Variants in QSOX1 observed in about 807,000 individuals in gnomAD.
QSOX1 encodes sulfhydryl oxidase 1.
In QSOX1, 40 loss-of-function variants were observed where a neutral mutation model predicts 76.1. The observed-to-expected ratio is 0.53, with a 90% CI of 0.41 to 0.68. The LOEUF (loss-of-function observed/expected upper bound fraction) is 0.68. Ranked by LOEUF, QSOX1 falls within the 30% of genes least tolerant of loss-of-function variation. The pLI is 0.00. For missense variants in QSOX1, 931 were observed against 974.3 expected, an observed-to-expected ratio of 0.96 and a Z score of 0.59; for synonymous variants, 392 against 413.1, an observed-to-expected ratio of 0.95 and a Z score of 0.62.
chr1:180,164,418 C>A (rs1315505599), intron 1 of QSOX1, among the ~76,000 whole-genome samples: 2 of 152,166 alleles, frequency 1.3e-5, no homozygotes, highest in African/African-American at 4.8e-5. Context: ...TCTTCCCAAC[C>A]CCCCACCCAC....
At position 180,197,281 on chromosome 1, in the gene QSOX1, G is replaced by A; in HGVS notation, c.*244G>A. 2 of 1,613,402 alleles carry A rather than the reference G, an allele frequency of 1.2e-6. No homozygotes were observed. Among genetic ancestry groups the A allele is most frequent in the Non-Finnish European group, 8.5e-7 (1 of 1,179,962 alleles). On this transcript the variant is annotated 3_prime_UTR_variant, in exon 12 of 12. Coordinates refer to ENST00000367602, the MANE Select transcript of QSOX1 (RefSeq NM_002826.5). The stretch of plus-strand genomic sequence containing the variant: ...CAGGGAGGGCAGCCCCGGGCAGTGG[G>A]CATAGGGCAGCTCAGTCCCTGGCCT...
chr1:180,155,199 C>T (rs1002520714), intron 1 of QSOX1, 27 bp downstream of exon 1: 3 of 1,455,574 alleles, frequency 2.1e-6, no homozygotes, highest in African/African-American at 2.9e-5. Flanking sequence ...GCCCGCTCCC[C>T]CGTGCCCCGC....
At chr1:180,195,797 A>G (rs200373471) in intron 11 of QSOX1, among the ~76,000 whole-genome samples, 4 of 152,248 alleles carry the variant, frequency 2.6e-5, no homozygotes, top group Non-Finnish European at 4.4e-5. Flanking sequence ...AAAGTAACCT[A>G]TTTGTGCAGT....
At chr1:180,161,680 C>T (rs1662497762) in intron 1 of QSOX1, among the ~76,000 whole-genome samples, 1 of 152,102 alleles carries the variant, frequency 6.6e-6, no homozygotes, top group South Asian at 2.1e-4. Flanking sequence ...AATAAGTTTT[C>T]TTAAATCTGG....
chr1:180,169,368 G>A (rs1662711157), intron 2 of QSOX1, among the ~76,000 whole-genome samples: 1 of 152,258 alleles, frequency 6.6e-6, no homozygotes, highest in South Asian at 2.1e-4. Context: ...GCAGCATAGG[G>A]GTGGGGAAGG....
intron 1 of QSOX1, among the ~76,000 whole-genome samples, chr1:180,165,311 T>G (rs567904127): frequency 2.0e-5 from 3 of 152,276 alleles, no homozygotes; most frequent in East Asian, 3.9e-4. Context: ...CAGGCAGGCC[T>G]CCTCCTCCTC....
chr1:180,180,660 G>A (rs945731009), intron 5 of QSOX1, among the ~76,000 whole-genome samples: 8 of 152,142 alleles, frequency 5.3e-5, no homozygotes, highest in Admixed American at 4.6e-4. Context: ...GACTACAGGC[G>A]CCCGCCACCA....
chr1:180,186,637 GCCTT>G (rs1169367354), intron 8 of QSOX1, among the ~76,000 whole-genome samples: 4 of 152,220 alleles, frequency 2.6e-5, no homozygotes, highest in Non-Finnish European at 5.9e-5. Flanking sequence ...CCCTGGCCAT[GCCTT>G]CCTTATTCCT....
chr1:180,193,439 G>C (rs866196691), intron 10 of QSOX1, among the ~76,000 whole-genome samples: 1 of 151,952 alleles, frequency 6.6e-6, no homozygotes, highest in Non-Finnish European at 1.5e-5. Context: ...GGAGTGAGGA[G>C]AGTAGGGTGC....
chr1:180,166,037 T>C (rs1362017235), intron 1 of QSOX1, among the ~76,000 whole-genome samples: 1 of 152,060 alleles, frequency 6.6e-6, no homozygotes, highest in Non-Finnish European at 1.5e-5. Flanking sequence ...GAAACTTCCC[T>C]AAGGGTCCCC....
At chr1:180,192,194 C>G (rs1290896994) in intron 10 of QSOX1, among the ~76,000 whole-genome samples, 1 of 152,132 alleles carries the variant, frequency 6.6e-6, no homozygotes, top group Non-Finnish European at 1.5e-5. Flanking sequence ...CCAGCAGGTG[C>G]AAAGGACAAG....
Position 180,159,657 on chromosome 1 carries a change from G to A in QSOX1, c.265+4485G>A, listed in dbSNP as rs143726442. ...CCCTTTTAAAGGTTAAAGCAGAGGAGACTTCTGTATGTTGGCTGAAACTGG... is the reference window on the plus strand; with the variant it reads ...CCCTTTTAAAGGTTAAAGCAGAGGAAACTTCTGTATGTTGGCTGAAACTGG... On this transcript the variant is annotated intron_variant, in intron 1 of 11. Transcript: ENST00000367602. Among the ~76,000 whole-genome samples the A allele has an allele frequency of 8.5e-4, 130 of 152,332 alleles. 1 individual carries two copies. The Middle Eastern group carries it at 0.01, about 12-fold the overall frequency.
rs761239969 is a variant in QSOX1, at chr1:180,178,820, C to G, written c.542C>G (p.Ala181Gly). The G allele has an allele frequency of 1.2e-6, 2 of 1,613,764 alleles. No individual in the cohort carries two copies. The highest frequency in any genetic ancestry group is 8.5e-7 in the Non-Finnish European group (1 of 1,179,732). ...AKLEEIDGFF[A>G]RNNEEYLALI... is the part of the protein sequence containing the mutation. The stretch of plus-strand genomic sequence containing the variant: ...CTGGAGGAGATTGATGGATTCTTTG[C>G]GAGAAATAACGAAGAGTACCTGGCT... The change falls in exon 5 of 12, where the codon GCG (alanine) becomes GGG (glycine). Residue 181 changes from alanine to glycine, a missense_variant. By Grantham distance (60) the Ala-to-Gly change is moderately conservative. Transcript: ENST00000367602.
intron 4 of QSOX1, 38 bp from the exon 5 acceptor site, chr1:180,178,756 T>G: frequency 6.3e-7 from 1 of 1,584,078 alleles, no homozygotes; most frequent in Non-Finnish European, 8.7e-7. Context: ...TTATTTCTGC[T>G]GGCTGTGCAG....
At chr1:180,168,478 T>C (rs1178102424) in intron 2 of QSOX1, among the ~76,000 whole-genome samples, 1 of 152,262 alleles carries the variant, frequency 6.6e-6, no homozygotes, top group African/African-American at 2.4e-5. Context: ...CCAAGTGGCT[T>C]GAGCTGGCAG....
intron 5 of QSOX1, among the ~76,000 whole-genome samples, chr1:180,180,346 G>T (rs536201949): frequency 6.6e-6 from 1 of 152,204 alleles, no homozygotes; most frequent in South Asian, 2.1e-4. Context: ...AATTAGCTGG[G>T]ATTACAGGCA....
Position 180,202,669 on chromosome 1 carries a change from C to G in QSOX1, c.*5632C>G, listed in dbSNP as rs1156462016. On this transcript the variant is annotated 3_prime_UTR_variant, in exon 12 of 12. Transcript: ENST00000367602. ...AAATACATCTCAGTAGATTAGTAAGCTAATGCAAAAAAAAAAAAAAAAGGG... is the reference window on the plus strand; with the variant it reads ...AAATACATCTCAGTAGATTAGTAAGGTAATGCAAAAAAAAAAAAAAAAGGG... The G allele has an allele frequency of 1.4e-5, 1 of 71,378 alleles. No individual in the cohort carries two copies. The highest frequency in any genetic ancestry group is 4.8e-4 in the South Asian group (1 of 2,074). The allele number at this position is 71,378 out of a possible 1,614,324, so 4.4% of individuals were successfully genotyped here.
In QSOX1 at chr1:180,194,239, A is replaced by G. The variant is rs1276146675; in HGVS notation, c.1315A>G (p.Ile439Val). 4 of 1,612,954 alleles carry G rather than the reference A, an allele frequency of 2.5e-6. No individual in the cohort carries two copies. The highest frequency in any genetic ancestry group is 1.7e-5 in the Admixed American group (1 of 59,920). ...AAKAKEVLPA[I>V]RGYVHYFFGC... ...CAAGGCCAAGGAGGTCCTCCCAGCC[A>G]TCCGAGGCTACGTGCACTACTTCTT... is the stretch of plus-strand genomic sequence containing the variant. The change falls in exon 11 of 12, where the codon ATC becomes GTC. Residue 439 changes from isoleucine to valine, a missense_variant. Coordinates refer to ENST00000367602, the MANE Select transcript of QSOX1 (RefSeq NM_002826.5).
intron 1 of QSOX1, among the ~76,000 whole-genome samples, chr1:180,164,109 G>A (rs1405378997): frequency 6.6e-6 from 1 of 152,186 alleles, no homozygotes; most frequent in East Asian, 1.9e-4. Context: ...CAATCCCCTG[G>A]TAGGGGCAGA....
Sources: gnomAD v4.1 joint callset for allele counts (sites outside exome capture counted in the v4.1 genomes callset) on GRCh38, gnomAD v4.1.1 for gene constraint, MANE v1.5 for transcripts, NCBI Gene and HGNC (gene_info 2026-07-23, HGNC 2026-07-21) for gene names.